OSBPL10: variants seen among roughly 807,000 people sequenced by gnomAD.
OSBPL10 encodes the protein oxysterol binding protein like 10.
In OSBPL10, 49 loss-of-function variants were observed where a neutral mutation model predicts 81.7. That is an observed-to-expected ratio of 0.60 (90% CI 0.48 to 0.76). OSBPL10 has a LOEUF of 0.76. OSBPL10 is among the 30% of genes least tolerant of loss of function. OSBPL10 has a pLI of 0.00. For synonymous variants in OSBPL10, 419 were observed against 383.6 expected (o/e 1.09, Z -1.08); for missense variants, 923 against 987.8 (o/e 0.93, Z 0.88).
At chr3:31,906,838 G>A (rs1042786080) in intron 1 of OSBPL10, 5 of 152,204 alleles carry the variant, frequency 3.3e-5, no homozygotes, top group African/African-American at 1.2e-4. Context: ...ATGGCTAACA[G>A]AAAACTGACT....
At chr3:31,876,967 CA>C (rs1251346002) in intron 2 of OSBPL10, among the ~76,000 whole-genome samples, 51 of 150,670 alleles carry the variant, frequency 3.4e-4, no homozygotes, top group Middle Eastern at 3.5e-3. Flanking sequence ...GCAGTGGCGC[CA>C]ACTCAGCTCA....
At chr3:32,049,232 GTA>G (rs1437577152) in intron 1 of OSBPL10, among the ~76,000 whole-genome samples, 4 of 152,156 alleles carry the variant, frequency 2.6e-5, no homozygotes, top group Non-Finnish European at 2.9e-5. Flanking sequence ...TGCTTTTACT[GTA>G]TAGACTCACC....
Position 31,747,671 on chromosome 3 carries a change from T to C in OSBPL10, c.940+239A>G, listed in dbSNP as rs567310471. The stretch of plus-strand genomic sequence containing the variant: ...TAAAATAAAAATATATCCCAAACAG[T>C]AGAGGAAGGGCAGGAGAGATTAATG... On this transcript the variant is annotated intron_variant, in intron 5 of 11. Transcript: ENST00000396556. 3.3e-5 allele frequency among the ~76,000 whole-genome samples: 5 copies of C among 152,204 alleles called. No individual in the cohort carries two copies. In the South Asian group the frequency reaches 8.3e-4, roughly 25 times the overall value.
intron 1 of OSBPL10, among the ~76,000 whole-genome samples, chr3:31,927,130 A>G (rs1361663749): frequency 1.3e-5 from 2 of 152,122 alleles, no homozygotes; most frequent in Admixed American, 1.3e-4. Context: ...AACAACAACA[A>G]AAAGTCAAAG....
intron 2 of OSBPL10, among the ~76,000 whole-genome samples, chr3:32,013,152 C>A (rs1699276662): frequency 6.6e-6 from 1 of 152,194 alleles, no homozygotes; most frequent in Non-Finnish European, 1.5e-5. Context: ...TTCTTCTCAG[C>A]ACCACACTGC....
chr3:31,794,740 G>C (rs75029168), intron 4 of OSBPL10: 12,427 of 293,230 alleles, frequency 0.042, 736 homozygotes, highest in African/African-American at 0.18. Flanking sequence ...TCCCAAGAAG[G>C]CTCACCCCTG....
At chr3:31,695,515 T>C (rs1398698680) in intron 7 of OSBPL10, among the ~76,000 whole-genome samples, 1 of 152,090 alleles carries the variant, frequency 6.6e-6, no homozygotes, top group Non-Finnish European at 1.5e-5. Flanking sequence ...ACCCTATACT[T>C]AACTCCCTTT....
At chr3:31,695,032 G>A (rs1695671360) in intron 7 of OSBPL10, among the ~76,000 whole-genome samples, 1 of 152,176 alleles carries the variant, frequency 6.6e-6, no homozygotes, top group Non-Finnish European at 1.5e-5. Flanking sequence ...GGAATTACAG[G>A]CACAAGCCAC....
At chr3:31,680,184 C>T (rs1700604159) in intron 8 of OSBPL10, among the ~76,000 whole-genome samples, 1 of 152,200 alleles carries the variant, frequency 6.6e-6, no homozygotes, top group Admixed American at 6.5e-5. Flanking sequence ...CCTGCCCCCA[C>T]AGAAGCACAC....
At chr3:31,701,397 G>C (rs1156904563) in intron 7 of OSBPL10, among the ~76,000 whole-genome samples, 1 of 152,204 alleles carries the variant, frequency 6.6e-6, no homozygotes, top group African/African-American at 2.4e-5. Flanking sequence ...CTGTCTGTCT[G>C]TGTAACAGCT....
chr3:31,663,156 G>T, intron 11 of OSBPL10: 1 of 985,372 alleles, frequency 1.0e-6, no homozygotes, highest in Non-Finnish European at 1.2e-6. Flanking sequence ...AGAAGTCAGG[G>T]GTTACCAGCA....
intron 3 of OSBPL10, 117 bp downstream of exon 3, chr3:31,876,316 C>T (rs998048044): frequency 5.5e-5 from 44 of 798,254 alleles, no homozygotes; most frequent in Non-Finnish European, 8.2e-5. Context: ...AGGAATTCCA[C>T]TGCAGTGGGC....
rs371477286 is a variant in OSBPL10 at position 31,748,064 on chromosome 3, C to T, written c.786G>A (p.Leu262=). 6.2e-7 allele frequency: 1 copy of T among 1,614,038 alleles called. No homozygotes were observed. Among genetic ancestry groups the T allele is most frequent in the Non-Finnish European group, 8.5e-7 (1 of 1,180,036 alleles). The part of the protein sequence containing the change: ...QKNLVHAIES[L]PGSGPLTALD... ...AGGCAGTGAGGGGGCCGGACCCTGG[C>T]AGGGACTCAATGGCGTGCACAAGGT... is the stretch of plus-strand genomic sequence containing the variant. The change falls in exon 5 of 12, where the codon CTG becomes CTA. Residue 262 remains leucine (L), a synonymous_variant. Transcript: ENST00000396556.
At position 32,000,027 on chromosome 3, in the gene OSBPL10, A is replaced by AAGAT. The variant is rs1165471729; in HGVS notation, n.298+46460_298+46463dup. 9.2e-5 allele frequency among the ~76,000 whole-genome samples: 14 copies of AAGAT among 152,258 alleles called. No homozygotes were observed. In the South Asian group the frequency reaches 2.9e-3, roughly 32 times the overall value. ...TAACAGGGAGATGATCTTTGCCACA[A>AAGAT]AGATAACCAAAAAGTCTGAGTCTCA... On this transcript the variant is annotated intron_variant and non_coding_transcript_variant, in intron 2 of 3. Coordinates refer to the OSBPL10 transcript ENST00000479173.
At chr3:31,793,279 G>C (rs982973323) in intron 4 of OSBPL10, among the ~76,000 whole-genome samples, 2 of 152,204 alleles carry the variant, frequency 1.3e-5, no homozygotes, top group African/African-American at 4.8e-5. Context: ...ATAGCTGCAA[G>C]AGCAAAAGCA....
At chr3:31,706,026 G>A (rs1478487034) in intron 6 of OSBPL10, among the ~76,000 whole-genome samples, 1 of 152,190 alleles carries the variant, frequency 6.6e-6, no homozygotes, top group Non-Finnish European at 1.5e-5. Flanking sequence ...ATGTTTTAAA[G>A]AGAAGCAGGC....
chr3:32,072,549 G>C (rs1306991132), intron 1 of OSBPL10, among the ~76,000 whole-genome samples: 1 of 152,126 alleles, frequency 6.6e-6, no homozygotes, highest in African/African-American at 2.4e-5. Context: ...CTTCCATGTA[G>C]GTTACAAGCT....
intron 1 of OSBPL10, among the ~76,000 whole-genome samples, chr3:32,069,348 T>A (rs946147618): frequency 6.6e-6 from 1 of 152,106 alleles, no homozygotes; most frequent in Non-Finnish European, 1.5e-5. Flanking sequence ...ATTAGAGCAG[T>A]TCCCCGAGAA....
At chr3:31,751,078 G>C (rs1360697462) in intron 4 of OSBPL10, among the ~76,000 whole-genome samples, 1 of 152,054 alleles carries the variant, frequency 6.6e-6, no homozygotes, top group Non-Finnish European at 1.5e-5. Context: ...GGCCAAGGAG[G>C]GCAGATCACT....
Sources: allele counts gnomAD v4.1 joint callset (sites outside exome capture counted in the v4.1 genomes callset), GRCh38; gene constraint gnomAD v4.1.1; transcripts MANE v1.5; gene names NCBI Gene and HGNC (gene_info 2026-07-23, HGNC 2026-07-21).